SDS: variants seen among roughly 807,000 people sequenced by gnomAD.
SDS encodes the protein L-serine dehydratase/L-threonine deaminase.
Under a neutral mutation model 29.3 loss-of-function variants are expected in SDS, and 19 were observed. The observed-to-expected ratio is 0.65, with a 90% CI of 0.45 to 0.95. The LOEUF (loss-of-function observed/expected upper bound fraction) is 0.95. SDS is among the 40% of genes least tolerant of loss of function. The pLI is 0.00. For missense variants in SDS, 375 were observed against 439.9 expected (o/e 0.85, Z 1.32); for synonymous variants, 176 against 189.0 (o/e 0.93, Z 0.56).
chr12:113,397,141 G>A (rs772696760), intron 6 of SDS, 24 bp downstream of exon 6: 32 of 1,605,780 alleles, frequency 2.0e-5, no homozygotes, highest in Non-Finnish European at 2.6e-5. Context: ...CTGGACACCC[G>A]AGGGAGGCAC....
Position 113,403,872 on chromosome 12 carries a change from A to G in SDS, c.-107T>C, listed in dbSNP as rs1302466901. ...GAGAGGGGGCTGAGGACGGGTGGAC[A>G]GTCTTCTGAATGGTCCCAGGGGCTA... is the stretch of plus-strand genomic sequence containing the variant. On this transcript the variant is annotated 5_prime_UTR_variant, in exon 1 of 8. Coordinates refer to ENST00000257549, the MANE Select transcript of SDS (RefSeq NM_006843.3). 11 of 152,446 alleles carry G rather than the reference A, an allele frequency of 7.2e-5. No individual in the cohort carries two copies. The highest frequency in any genetic ancestry group is 7.2e-4 in the Admixed American group (11 of 15,274). The allele number at this position is 152,446 out of a possible 1,614,324, so 9.4% of individuals were successfully genotyped here. A position where few individuals can be genotyped will look rare whatever the true frequency, so the allele number is the denominator to read the frequency against.
chr12:113,401,038 C>T (rs527733972), intron 1 of SDS, among the ~76,000 whole-genome samples: 29 of 151,836 alleles, frequency 1.9e-4, no homozygotes, highest in Non-Finnish European at 3.7e-4. Context: ...GGCGTGAACC[C>T]GGGAGGCGGA....
chr12:113,395,002 T>A (rs1320959646), intron 6 of SDS, among the ~76,000 whole-genome samples: 1 of 152,208 alleles, frequency 6.6e-6, no homozygotes, highest in East Asian at 1.9e-4. Flanking sequence ...GCCAAGCACT[T>A]CACAAGCATT....
At position 113,394,141 on chromosome 12, in the gene SDS, A is replaced by G. The variant is rs1300819303; in HGVS notation, c.654-125T>C. ...GCAATGCATCTGGGGGCAGGGGGAC[A>G]GGTATCACCTCTGCAGCTGTAAAAC... On this transcript the variant is annotated intron_variant, in intron 6 of 7. Coordinates refer to ENST00000257549, the MANE Select transcript of SDS (RefSeq NM_006843.3). The G allele has an allele frequency of 4.8e-6, 4 of 841,078 alleles. No individual in the cohort carries two copies. The Admixed American group carries it at 7.5e-5, about 16-fold the overall frequency. 52.1% of individuals were successfully genotyped at this position (841,078 alleles called of 1,614,324 possible).
intron 7 of SDS, 26 bp downstream of exon 7, chr12:113,393,866 A>G (rs1207810787): frequency 6.2e-7 from 1 of 1,613,972 alleles, no homozygotes; most frequent in Non-Finnish European, 8.5e-7. Flanking sequence ...TCAGCAGGTC[A>G]GGTCATGGGA....
At chr12:113,401,253 TAA>T (rs778436716) in intron 1 of SDS, among the ~76,000 whole-genome samples, 1 of 151,196 alleles carries the variant, frequency 6.6e-6, no homozygotes, top group Non-Finnish European at 1.5e-5. Context: ...AATATTTATT[TAA>T]AAAAAAACAA....
intron 7 of SDS, 49 bp downstream of exon 7, chr12:113,393,843 C>A (rs1342529104): frequency 6.2e-7 from 1 of 1,611,890 alleles, no homozygotes; most frequent in African/African-American, 1.3e-5. Flanking sequence ...TGGACAGCCA[C>A]TTAGCGCCTG....
chr12:113,393,230 G>A (rs1030414449), intron 7 of SDS, 81 bp from the exon 8 acceptor site: 1 of 1,330,264 alleles, frequency 7.5e-7, no homozygotes, highest in African/African-American at 1.4e-5. Flanking sequence ...GGCAGGACCT[G>A]GGAATACTGA....
At chr12:113,399,274 G>A (rs952404470) in intron 2 of SDS, 123 bp from the exon 3 acceptor site, 4 of 1,115,832 alleles carry the variant, frequency 3.6e-6, no homozygotes, top group Non-Finnish European at 5.3e-6. Context: ...CTCAGAATTT[G>A]TTCTACCCTT....
chr12:113,399,173 C>T (rs376827952), intron 2 of SDS, 22 bp from the exon 3 acceptor site: 11 of 1,612,996 alleles, frequency 6.8e-6, no homozygotes, highest in Non-Finnish European at 9.3e-6. Context: ...ACAGGAGAGG[C>T]ACTCAGGCCC....
chr12:113,395,676 T>C (rs1307474403), intron 6 of SDS, among the ~76,000 whole-genome samples: 2 of 152,212 alleles, frequency 1.3e-5, no homozygotes, highest in African/African-American at 4.8e-5. Flanking sequence ...CATTTTGGAC[T>C]GAAACACTAC....
intron 6 of SDS, among the ~76,000 whole-genome samples, chr12:113,395,362 G>T (rs1198865614): frequency 6.6e-6 from 1 of 152,202 alleles, no homozygotes; most frequent in African/African-American, 2.4e-5. Context: ...GGACACAGCA[G>T]CTCCAGATGC....
At chr12:113,394,055 G>A in intron 6 of SDS, 39 bp from the exon 7 acceptor site, 1 of 1,608,214 alleles carries the variant, frequency 6.2e-7, no homozygotes, top group Non-Finnish European at 8.5e-7. Context: ...TGGGAGTGGG[G>A]GAAACAGGAG....
At chr12:113,402,701 G>A (rs1474343670) in intron 1 of SDS, among the ~76,000 whole-genome samples, 3 of 152,204 alleles carry the variant, frequency 2.0e-5, no homozygotes, top group Non-Finnish European at 4.4e-5. Context: ...GGTTTGGGGC[G>A]CCTCTCTCGC....
intron 6 of SDS, among the ~76,000 whole-genome samples, chr12:113,394,435 G>A (rs979647200): frequency 5.9e-5 from 9 of 151,356 alleles, no homozygotes; most frequent in Non-Finnish European, 1.3e-4. Context: ...TGCCTCCCGG[G>A]TTCAAGCAAT....
intron 6 of SDS, 137 bp downstream of exon 6, chr12:113,397,028 G>T (rs1593297814): frequency 1.3e-6 from 1 of 748,274 alleles, no homozygotes; most frequent in Non-Finnish European, 2.2e-6. Flanking sequence ...CACTGGACGT[G>T]GCCCTGGGCA....
chr12:113,400,556 A>G (rs909071722), intron 1 of SDS, among the ~76,000 whole-genome samples: 2 of 151,318 alleles, frequency 1.3e-5, no homozygotes, highest in African/African-American at 2.4e-5. Flanking sequence ...ACACACACAT[A>G]CTCCATCCAC....
At position 113,392,922 on chromosome 12, in the gene SDS, AT is replaced by A. The variant is rs1484227623; in HGVS notation, c.*18del. 6.2e-7 allele frequency: 1 copy of A among 1,611,916 alleles called. No homozygotes were observed. Among genetic ancestry groups the A allele is most frequent in the African/African-American group, 1.3e-5 (1 of 74,872 alleles). On this transcript the variant is annotated 3_prime_UTR_variant, in exon 8 of 8. Coordinates refer to ENST00000257549, the MANE Select transcript of SDS (RefSeq NM_006843.3). ...GGTCTCTTGGGCTAGGAGAGCACAG[AT>A]CGGTAAGGGGTCCGTCCTCACTTGG...
At chr12:113,393,730 C>G (rs563346096) in intron 7 of SDS, among the ~76,000 whole-genome samples, 162 bp downstream of exon 7, 1 of 152,178 alleles carries the variant, frequency 6.6e-6, no homozygotes, top group Non-Finnish European at 1.5e-5. Context: ...TATTTCTACA[C>G]GGCATTGTAT....
Sources: allele counts gnomAD v4.1 joint callset (sites outside exome capture counted in the v4.1 genomes callset), GRCh38; gene constraint gnomAD v4.1.1; transcripts MANE v1.5; gene names NCBI Gene and HGNC (gene_info 2026-07-23, HGNC 2026-07-21).